CHCHD3: variants seen among roughly 807,000 people sequenced by gnomAD.
CHCHD3 encodes the protein MICOS complex subunit MIC19.
CHCHD3 carries 20 observed loss-of-function variants against 38.2 expected under a neutral mutation model. The observed-to-expected ratio is 0.52, with a 90% confidence interval of 0.37 to 0.76. CHCHD3 has a LOEUF of 0.76. Among genes scored for constraint, CHCHD3 ranks in the 30% least tolerant of loss-of-function variants. The pLI is 0.00. For missense variants in CHCHD3, 245 were observed against 279.2 expected, an observed-to-expected ratio of 0.88 and a Z score of 0.87; for synonymous variants, 82 against 100.0, an observed-to-expected ratio of 0.82 and a Z score of 1.07.
chr7:133,017,712 A>G (rs551693709), intron 3 of CHCHD3, among the ~76,000 whole-genome samples: 101 of 152,370 alleles, frequency 6.6e-4, no homozygotes, highest in Non-Finnish European at 1.3e-3. Flanking sequence ...TTTGATATTA[A>G]CATGTAAAAA....
intron 2 of CHCHD3, among the ~76,000 whole-genome samples, chr7:133,029,131 A>T (rs1813432261): frequency 6.6e-6 from 1 of 152,160 alleles, no homozygotes; most frequent in African/African-American, 2.4e-5. Flanking sequence ...CAGAAAAGAG[A>T]TTAAGCAGTT....
Position 132,998,386 on chromosome 7 carries a change from G to A in CHCHD3, c.252-23100C>T, listed in dbSNP as rs189689999. 6.6e-5 allele frequency among the ~76,000 whole-genome samples: 10 copies of A among 152,310 alleles called. No individual in the cohort carries two copies. The East Asian group carries it at 1.7e-3, about 26-fold the overall frequency. On this transcript the variant is annotated intron_variant, in intron 3 of 7. Transcript: ENST00000262570. ...AATGACTGCACTTATCAAGGGACCTGAGAAAAAGACTGCGGACGCCAGGCA... is the reference window on the plus strand; with the variant it reads ...AATGACTGCACTTATCAAGGGACCTAAGAAAAAGACTGCGGACGCCAGGCA...
At chr7:132,860,099 T>C (rs1437421501) in intron 5 of CHCHD3, among the ~76,000 whole-genome samples, 2 of 151,918 alleles carry the variant, frequency 1.3e-5, no homozygotes, top group Non-Finnish European at 2.9e-5. Flanking sequence ...GGCAAAACCA[T>C]GTCTACACAA....
chr7:132,917,888 T>A (rs779963230), intron 4 of CHCHD3, among the ~76,000 whole-genome samples: 1 of 150,454 alleles, frequency 6.6e-6, no homozygotes, highest in Non-Finnish European at 1.5e-5. Flanking sequence ...CCTTTCCTAT[T>A]ACTCATCTTT....
intron 6 of CHCHD3, among the ~76,000 whole-genome samples, chr7:132,829,912 G>A (rs989465476): frequency 1.3e-5 from 2 of 152,104 alleles, no homozygotes; most frequent in African/African-American, 2.4e-5. Context: ...TTTGCCATCT[G>A]CCCTGCCCTT....
At position 132,974,597 on chromosome 7, in the gene CHCHD3, C is replaced by T. The variant is rs575812238; in HGVS notation, c.369+572G>A. Reference sequence around the variant, plus strand: ...CAAAGGACAAAAAAAGAAGACAGGCCGGGCTCGGTGGCTCACACCTGTAAT... The same window carrying T: ...CAAAGGACAAAAAAAGAAGACAGGCTGGGCTCGGTGGCTCACACCTGTAAT... On this transcript the variant is annotated intron_variant, in intron 4 of 7. Transcript: ENST00000262570. 3.3e-5 allele frequency among the ~76,000 whole-genome samples: 5 copies of T among 152,164 alleles called. No individual in the cohort carries two copies. In the South Asian group the frequency reaches 6.2e-4, roughly 19 times the overall value.
At chr7:132,823,573 G>T (rs1199601811) in intron 6 of CHCHD3, among the ~76,000 whole-genome samples, 1 of 152,118 alleles carries the variant, frequency 6.6e-6, no homozygotes, top group Non-Finnish European at 1.5e-5. Flanking sequence ...GATATCAAAA[G>T]AGAAAAGTTG....
chr7:132,864,939 G>A (rs903541077), intron 5 of CHCHD3, among the ~76,000 whole-genome samples: 9 of 152,072 alleles, frequency 5.9e-5, no homozygotes, highest in African/African-American at 2.2e-4. Flanking sequence ...ATGTCAGCAC[G>A]ATCTCTACTC....
rs145097880 is a variant in CHCHD3 at position 132,934,340 on chromosome 7, G to A, written c.369+40829C>T. 3.5e-3 allele frequency among the ~76,000 whole-genome samples: 538 copies of A among 152,130 alleles called. 2 individuals are homozygous for A. The highest frequency in any genetic ancestry group is 5.4e-3 in the Non-Finnish European group (369 of 67,988). On this transcript the variant is annotated intron_variant, in intron 4 of 7. Coordinates refer to ENST00000262570, the MANE Select transcript of CHCHD3 (RefSeq NM_017812.4). ...GCCTTTCACAAATGAAAATCCTATC[G>A]TGGTCCTGGGCTCACACATTGAGGA... is the stretch of plus-strand genomic sequence containing the variant.
At chr7:132,835,453 G>A (rs1028049708) in intron 6 of CHCHD3, among the ~76,000 whole-genome samples, 4 of 152,144 alleles carry the variant, frequency 2.6e-5, no homozygotes, top group African/African-American at 9.7e-5. Flanking sequence ...TGATGCTGTT[G>A]AGGTTCTGTT....
chr7:132,806,618 G>A (rs997533486), intron 6 of CHCHD3, among the ~76,000 whole-genome samples: 1 of 152,020 alleles, frequency 6.6e-6, no homozygotes, highest in Non-Finnish European at 1.5e-5. Context: ...AGACAGACAA[G>A]TAAATGAAGG....
chr7:132,883,972 G>T (rs1027374790), intron 5 of CHCHD3, among the ~76,000 whole-genome samples: 2 of 152,136 alleles, frequency 1.3e-5, no homozygotes, highest in African/African-American at 2.4e-5. Flanking sequence ...CTTCACTCAT[G>T]TTCAAAGCCA....
intron 3 of CHCHD3, chr7:133,022,645 A>G: frequency 5.2e-6 from 2 of 385,190 alleles, no homozygotes; most frequent in South Asian, 4.1e-5. Flanking sequence ...AAAAAATAAT[A>G]CAAAGGCTGT....
At chr7:133,007,257 A>G (rs943446502) in intron 3 of CHCHD3, among the ~76,000 whole-genome samples, 1 of 152,164 alleles carries the variant, frequency 6.6e-6, no homozygotes, top group Non-Finnish European at 1.5e-5. Flanking sequence ...GGCACAAGGT[A>G]AGAGAGAGAA....
At chr7:133,043,324 G>A (rs911759615) in intron 2 of CHCHD3, among the ~76,000 whole-genome samples, 1 of 152,008 alleles carries the variant, frequency 6.6e-6, no homozygotes, top group Non-Finnish European at 1.5e-5. Context: ...GGACAAAACT[G>A]ACTTAACTGT....
intron 2 of CHCHD3, among the ~76,000 whole-genome samples, chr7:133,051,221 C>T (rs1011366726): frequency 1.3e-5 from 2 of 152,158 alleles, no homozygotes; most frequent in Non-Finnish European, 2.9e-5. Flanking sequence ...AGTGGGGGCA[C>T]TGCAACATTC....
intron 5 of CHCHD3, among the ~76,000 whole-genome samples, chr7:132,867,492 C>T (rs1808662589): frequency 6.6e-6 from 1 of 152,140 alleles, no homozygotes; most frequent in Admixed American, 6.5e-5. Flanking sequence ...ACTTACAGAA[C>T]TTACAGAGGT....
At chr7:133,028,520 C>T (rs1369089130) in intron 2 of CHCHD3, among the ~76,000 whole-genome samples, 1 of 152,026 alleles carries the variant, frequency 6.6e-6, no homozygotes, top group African/African-American at 2.4e-5. Flanking sequence ...GAGACTGGGA[C>T]ATGAGGGTTC....
intron 4 of CHCHD3, among the ~76,000 whole-genome samples, chr7:132,886,621 AGT>A (rs976041428): frequency 2.0e-5 from 3 of 151,308 alleles, no homozygotes; most frequent in Non-Finnish European, 4.4e-5. Flanking sequence ...CTTATAAGAA[AGT>A]GTGTGTGTGT....
Sources: allele counts gnomAD v4.1 joint callset (sites outside exome capture counted in the v4.1 genomes callset), GRCh38; gene constraint gnomAD v4.1.1; transcripts MANE v1.5; gene names NCBI Gene and HGNC (gene_info 2026-07-23, HGNC 2026-07-21).